DAB1: variants seen among roughly 807,000 people sequenced by gnomAD.
The protein encoded by DAB1 is disabled homolog 1.
A neutral mutation model predicts 64.6 loss-of-function variants in DAB1; 15 were observed. The observed-to-expected ratio is 0.23, with a 90% CI of 0.16 to 0.36. DAB1 has a LOEUF of 0.36. DAB1 is among the 10% of genes least tolerant of loss of function. DAB1 has a pLI of 1.00. For synonymous variants in DAB1, 235 were observed against 251.9 expected, an observed-to-expected ratio of 0.93 and a Z score of 0.64; for missense variants, 596 against 706.7, an observed-to-expected ratio of 0.84 and a Z score of 1.78.
chr1:57,152,255 T>C (rs1315253011), intron 2 of DAB1, among the ~76,000 whole-genome samples: 1 of 152,194 alleles, frequency 6.6e-6, no homozygotes, highest in Admixed American at 6.5e-5. Flanking sequence ...CTTAACACTT[T>C]CCTACTTGGC....
chr1:57,523,716 G>A (rs970926345), intron 7 of DAB1, among the ~76,000 whole-genome samples: 1 of 152,082 alleles, frequency 6.6e-6, no homozygotes, highest in Non-Finnish European at 1.5e-5. Flanking sequence ...GAGGCCTGGA[G>A]TTTGTGACCA....
intron 5 of DAB1, among the ~76,000 whole-genome samples, chr1:57,997,915 C>T (rs1387314074): frequency 2.0e-5 from 3 of 151,752 alleles, no homozygotes; most frequent in East Asian, 3.9e-4. Flanking sequence ...AGTTTCTCCC[C>T]TCAAGAACCT....
At chr1:57,504,829 C>A (rs954792676) in intron 7 of DAB1, among the ~76,000 whole-genome samples, 1 of 152,126 alleles carries the variant, frequency 6.6e-6, no homozygotes, top group Non-Finnish European at 1.5e-5. Flanking sequence ...GGTCTTATTT[C>A]CAAAAATCTA....
At chr1:57,142,196 C>A (rs77334270) in intron 3 of DAB1, among the ~76,000 whole-genome samples, 1 of 152,092 alleles carries the variant, frequency 6.6e-6, no homozygotes. Flanking sequence ...CAATCCCCTA[C>A]AATCCAAGAG....
intron 4 of DAB1, among the ~76,000 whole-genome samples, chr1:58,159,182 A>G (rs143930273): frequency 2.0e-4 from 30 of 152,302 alleles, no homozygotes; most frequent in African/African-American, 7.2e-4. Flanking sequence ...AGCCTTATTT[A>G]TGAAAGGAAA....
At chr1:57,633,894 G>C (rs1177557488) in intron 7 of DAB1, among the ~76,000 whole-genome samples, 1 of 152,202 alleles carries the variant, frequency 6.6e-6, no homozygotes, top group Non-Finnish European at 1.5e-5. Context: ...AAAATGATTA[G>C]GTCATATAAC....
At chr1:58,353,839 G>A (rs1401296083) in intron 3 of DAB1, among the ~76,000 whole-genome samples, 1 of 152,034 alleles carries the variant, frequency 6.6e-6, no homozygotes, top group Non-Finnish European at 1.5e-5. Context: ...GAAAACTGAA[G>A]TTTCATTTAG....
chr1:58,038,135 G>A (rs917709804), intron 5 of DAB1, among the ~76,000 whole-genome samples: 8 of 152,132 alleles, frequency 5.3e-5, no homozygotes, highest in African/African-American at 1.9e-4. Context: ...TATGGAAAAT[G>A]AATTAGAGGG....
At position 57,936,286 on chromosome 1, in the gene DAB1, G is replaced by C. The variant is rs1645023563; in HGVS notation, n.388-52124C>G. On this transcript the variant is annotated intron_variant and non_coding_transcript_variant, in intron 5 of 20. Transcript: ENST00000485760. ...TTTAACTCAGGCTATTTACTGAGTT[G>C]ATCCATTCATCTGCCTCCCTCAGTC... Among the ~76,000 whole-genome samples the C allele has an allele frequency of 2.0e-5, 3 of 152,254 alleles. No individual in the cohort carries two copies. The South Asian group carries it at 6.2e-4, about 31-fold the overall frequency.
chr1:58,290,630 GCTCGT>G (rs1236383762), intron 4 of DAB1, among the ~76,000 whole-genome samples: 3 of 152,124 alleles, frequency 2.0e-5, no homozygotes, highest in African/African-American at 4.8e-5. Context: ...AATTTTCTTA[GCTCGT>G]CTCTGAAGCT....
intron 3 of DAB1, among the ~76,000 whole-genome samples, chr1:58,391,871 G>C (rs770196770): frequency 6.6e-6 from 1 of 152,210 alleles, no homozygotes; most frequent in Non-Finnish European, 1.5e-5. Flanking sequence ...ATATGAATTT[G>C]TTGTAGAATT....
chr1:58,225,070 AG>A (rs1353365982), intron 4 of DAB1, among the ~76,000 whole-genome samples: 1 of 152,136 alleles, frequency 6.6e-6, no homozygotes, highest in Non-Finnish European at 1.5e-5. Flanking sequence ...CATCTGACAA[AG>A]GGCTAATATC....
chr1:58,201,285 G>T (rs1657984995), intron 4 of DAB1, among the ~76,000 whole-genome samples: 1 of 152,082 alleles, frequency 6.6e-6, no homozygotes, highest in Admixed American at 6.6e-5. Context: ...CAAAATTCTG[G>T]TATTTTGTTT....
intron 5 of DAB1, among the ~76,000 whole-genome samples, chr1:58,038,939 G>C (rs553544320): frequency 6.6e-6 from 1 of 152,068 alleles, no homozygotes; most frequent in Non-Finnish European, 1.5e-5. Flanking sequence ...TCATATGTAC[G>C]TTCGGGTCTT....
chr1:57,963,352 A>G (rs1415977447), intron 5 of DAB1, among the ~76,000 whole-genome samples: 1 of 152,202 alleles, frequency 6.6e-6, no homozygotes, highest in African/African-American at 2.4e-5. Flanking sequence ...GGCACCTTGG[A>G]AAAAGTGACA....
At chr1:57,192,549 T>C (rs753968412) in intron 2 of DAB1, among the ~76,000 whole-genome samples, 2 of 152,184 alleles carry the variant, frequency 1.3e-5, no homozygotes, top group Non-Finnish European at 2.9e-5. Flanking sequence ...TGAACTGCTG[T>C]TACCATAACC....
At chr1:58,182,511 G>A (rs1300782647) in intron 4 of DAB1, among the ~76,000 whole-genome samples, 1 of 151,822 alleles carries the variant, frequency 6.6e-6, no homozygotes, top group East Asian at 1.9e-4. Context: ...AATTGGATAA[G>A]TCCTATTTAT....
At chr1:57,243,085 A>C (rs1668611517) in intron 2 of DAB1, among the ~76,000 whole-genome samples, 1 of 152,216 alleles carries the variant, frequency 6.6e-6, no homozygotes, top group Non-Finnish European at 1.5e-5. Context: ...GGTTCCCCTG[A>C]CTGCCTAACT....
At chr1:57,697,027 C>T (rs1024148545) in intron 6 of DAB1, among the ~76,000 whole-genome samples, 1 of 152,180 alleles carries the variant, frequency 6.6e-6, no homozygotes, top group Non-Finnish European at 1.5e-5. Flanking sequence ...TGAAATCTAA[C>T]TGCACTCTCA....
Sources: allele counts gnomAD v4.1 joint callset (sites outside exome capture counted in the v4.1 genomes callset), GRCh38; gene constraint gnomAD v4.1.1; transcripts MANE v1.5; gene names NCBI Gene and HGNC (gene_info 2026-07-23, HGNC 2026-07-21).